The following GRIK2 variants were observed in gnomAD, a reference collection of about 807,000 sequenced individuals.
The protein encoded by GRIK2 is glutamate ionotropic receptor kainate type subunit 2, also known as glutamate receptor ionotropic, kainate 2.
Under a neutral mutation model 100.3 loss-of-function variants are expected in GRIK2, and 32 were observed. That is an observed-to-expected ratio of 0.32 (90% confidence interval 0.24 to 0.43). GRIK2 has a LOEUF of 0.43. Ranked by LOEUF, GRIK2 falls within the 20% of genes least tolerant of loss-of-function variation. GRIK2 has a pLI of 1.00. For missense variants in GRIK2, 843 were observed against 1,114.9 expected (o/e 0.76, Z 3.47); for synonymous variants, 417 against 389.4 (o/e 1.07, Z -0.83).
chr6:101,940,042 G>A (rs1790863869), intron 14 of GRIK2, among the ~76,000 whole-genome samples: 1 of 151,934 alleles, frequency 6.6e-6, no homozygotes, highest in Non-Finnish European at 1.5e-5. Context: ...AGCCCCCTTG[G>A]AAATTTAGAA....
At chr6:101,979,355 A>G (rs746254892) in intron 14 of GRIK2, among the ~76,000 whole-genome samples, 2 of 151,990 alleles carry the variant, frequency 1.3e-5, no homozygotes, top group Non-Finnish European at 2.9e-5. Flanking sequence ...ATAGAAAAAG[A>G]GAGTCAATAT....
At chr6:101,603,361 G>T (rs1779306774) in intron 2 of GRIK2, among the ~76,000 whole-genome samples, 1 of 151,588 alleles carries the variant, frequency 6.6e-6, no homozygotes, top group East Asian at 1.9e-4. Context: ...AGTATGAGCT[G>T]GTGGATAAGA....
chr6:101,946,385 C>T (rs577107706), intron 14 of GRIK2, among the ~76,000 whole-genome samples: 1 of 151,844 alleles, frequency 6.6e-6, no homozygotes, highest in Admixed American at 6.6e-5. Context: ...AAAACATTAG[C>T]CAGGGTGTGG....
chr6:101,850,881 A>T (rs145485850), intron 10 of GRIK2, among the ~76,000 whole-genome samples: 31 of 152,100 alleles, frequency 2.0e-4, no homozygotes, highest in Admixed American at 6.6e-4. Flanking sequence ...TGATGCAGTA[A>T]TTGCTTTTGG....
chr6:101,931,900 A>G (rs1582561689), intron 14 of GRIK2, among the ~76,000 whole-genome samples: 1 of 152,092 alleles, frequency 6.6e-6, no homozygotes, highest in Non-Finnish European at 1.5e-5. Context: ...CCTACTTGGA[A>G]TCTGGGAATT....
chr6:101,915,366 A>G (rs551603856), intron 12 of GRIK2, among the ~76,000 whole-genome samples: 6 of 151,440 alleles, frequency 4.0e-5, no homozygotes, highest in Non-Finnish European at 8.9e-5. Flanking sequence ...AAGATTGTTT[A>G]TTATTCATTA....
In GRIK2 at chr6:101,700,224, TTAA is replaced by T. The variant is rs775159987; in HGVS notation, c.951+13888_951+13890del. Among the ~76,000 whole-genome samples, 192 of 151,524 alleles carry T rather than the reference TTAA, an allele frequency of 1.3e-3. 1 individual carries two copies. Among genetic ancestry groups the T allele is most frequent in the Middle Eastern group, 6.8e-3 (2 of 292 alleles). ...TTCTATCTTTTCACATAGAACTAAA[TTAA>T]TAATAATAATAATAATTGTTATTGT... On this transcript the variant is annotated intron_variant, in intron 7 of 16. Transcript: ENST00000369134.
intron 4 of GRIK2, among the ~76,000 whole-genome samples, chr6:101,651,535 A>G (rs370603916): frequency 3.3e-5 from 5 of 152,134 alleles, no homozygotes; most frequent in Admixed American, 3.3e-4. Context: ...CGATAAGTGC[A>G]ACAGAAAAAA....
intron 2 of GRIK2, among the ~76,000 whole-genome samples, chr6:101,520,937 GTATAT>G (rs1165560246): frequency 6.6e-6 from 1 of 151,930 alleles, no homozygotes; most frequent in Non-Finnish European, 1.5e-5. Context: ...ATATGCATTT[GTATAT>G]TATATTTTTT....
Position 102,037,725 on chromosome 6 carries a change from G to A in GRIK2, c.2311+2159G>A, listed in dbSNP as rs9498822. ...AAATGTGTTAAATTATACCTTTATC[G>A]CCAGTAAGGCTTTGGTTTATTGCCC... On this transcript the variant is annotated intron_variant, in intron 15 of 16. Transcript: ENST00000369134. 8.8e-3 allele frequency among the ~76,000 whole-genome samples: 1,324 copies of A among 151,032 alleles called. 22 individuals carry two copies. The highest frequency in any genetic ancestry group is 0.031 in the African/African-American group (1,270 of 41,316).
chr6:101,570,546 G>A (rs1777481180), intron 2 of GRIK2, among the ~76,000 whole-genome samples: 1 of 152,048 alleles, frequency 6.6e-6, no homozygotes, highest in African/African-American at 2.4e-5. Flanking sequence ...TGTCCCAAAT[G>A]CAGGACACAT....
At chr6:101,417,481 G>A (rs146197486) in intron 2 of GRIK2, among the ~76,000 whole-genome samples, 1 of 152,256 alleles carries the variant, frequency 6.6e-6, no homozygotes, top group Non-Finnish European at 1.5e-5. Flanking sequence ...TTGCTGCTCT[G>A]TGCCCTCCTA....
chr6:101,748,622 T>C (rs558239183), intron 7 of GRIK2, among the ~76,000 whole-genome samples: 13 of 152,178 alleles, frequency 8.5e-5, no homozygotes, highest in African/African-American at 2.6e-4. Flanking sequence ...AGTGCAGGCT[T>C]ATTGATTTAT....
intron 2 of GRIK2, among the ~76,000 whole-genome samples, chr6:101,548,618 AT>A (rs1257647824): frequency 6.6e-6 from 1 of 152,170 alleles, no homozygotes; most frequent in East Asian, 1.9e-4. Context: ...TTTGCCAAAG[AT>A]CAGATAGTTG....
At chr6:101,993,878 G>T (rs1269393858) in intron 14 of GRIK2, 1 of 145,104 alleles carries the variant, frequency 6.9e-6, no homozygotes. Context: ...AATATAAATA[G>T]GTACATTGAT....
At chr6:101,801,134 A>T (rs544542758) in intron 8 of GRIK2, among the ~76,000 whole-genome samples, 3 of 152,128 alleles carry the variant, frequency 2.0e-5, no homozygotes, top group African/African-American at 7.2e-5. Context: ...TTACTTGTGC[A>T]ATTTCACCTG....
chr6:101,823,861 T>A (rs1409399214), intron 10 of GRIK2, among the ~76,000 whole-genome samples: 2 of 140,146 alleles, frequency 1.4e-5, no homozygotes, highest in Non-Finnish European at 3.0e-5. Context: ...GAGTAAGTTC[T>A]GTTTTTTTTT....
At chr6:101,766,012 T>C (rs1446094421) in intron 7 of GRIK2, among the ~76,000 whole-genome samples, 1 of 152,168 alleles carries the variant, frequency 6.6e-6, no homozygotes, top group Non-Finnish European at 1.5e-5. Flanking sequence ...TAAACTGTTC[T>C]TGATTAAAGT....
rs144777242 is a variant in GRIK2, at chr6:102,032,295, C to G, written c.2086-3046C>G. Among the ~76,000 whole-genome samples, 353 of 151,122 alleles carry G rather than the reference C, an allele frequency of 2.3e-3. 3 individuals are homozygous for G. The highest frequency in any genetic ancestry group is 0.021 in the Admixed American group (316 of 15,098). ...TCTGGTGTTGAAAAACTGCCAAGAG[C>G]CTTTCAAAAAGATTTACATTTAAAA... On this transcript the variant is annotated intron_variant, in intron 14 of 16. Transcript: ENST00000369134.
Sources: allele counts gnomAD v4.1 joint callset (sites outside exome capture counted in the v4.1 genomes callset), GRCh38; gene constraint gnomAD v4.1.1; transcripts MANE v1.5; gene names NCBI Gene and HGNC (gene_info 2026-07-23, HGNC 2026-07-21).